Variants in NHS observed in about 807,000 individuals in gnomAD.
NHS encodes NHS actin remodeling regulator, also known as actin remodeling regulator NHS.
A neutral mutation model predicts 72.5 loss-of-function variants in NHS; 5 were observed. That is an observed-to-expected ratio of 0.07 (90% confidence interval 0.04 to 0.14). NHS has a LOEUF of 0.14. Among genes scored for constraint, NHS ranks in the 10% least tolerant of loss-of-function variants. The pLI, the probability that NHS is intolerant of heterozygous loss-of-function variation, is 1.00. For missense variants in NHS, 1,072 were observed against 1,355.7 expected (o/e 0.79, Z 3.29); for synonymous variants, 464 against 547.7 (o/e 0.85, Z 2.13).
chrX:17,597,223 C>T (rs1376836468), intron 1 of NHS, among the ~76,000 whole-genome samples: 2 of 106,875 alleles, frequency 1.9e-5, no homozygotes, highest in Non-Finnish European at 3.9e-5. Flanking sequence ...GGGTTCACGC[C>T]ATTCTCCTGC....
At chrX:17,463,755 T>C (rs937956669) in intron 1 of NHS, among the ~76,000 whole-genome samples, 11 of 112,191 alleles carry the variant, frequency 9.8e-5, no homozygotes, top group African/African-American at 3.6e-4. Context: ...GCCTTCAGGA[T>C]GAAGACCTAA....
chrX:17,619,938 CAT>C (rs890393975), intron 1 of NHS, among the ~76,000 whole-genome samples: 4 of 110,762 alleles, frequency 3.6e-5, no homozygotes, highest in African/African-American at 1.3e-4. Flanking sequence ...CTTTGTAGAC[CAT>C]ATGTCTCAGA....
chrX:17,602,060 C>G (rs998311836), intron 1 of NHS, among the ~76,000 whole-genome samples: 118 of 111,557 alleles, frequency 1.1e-3, no homozygotes, highest in Non-Finnish European at 3.8e-4. Flanking sequence ...AGGATTGCAA[C>G]CAAAGTCCTC....
At chrX:17,378,085 T>TGTGTGTGTGTGTGTGTGTGA (rs1491390890) in intron 1 of NHS, among the ~76,000 whole-genome samples, 4 of 104,423 alleles carry the variant, frequency 3.8e-5, no homozygotes, top group African/African-American at 1.4e-4. Flanking sequence ...TGTGTGTGTG[T>TGTGTGTGTGTGTGTGTGTGA]GAGACACACC....
intron 1 of NHS, among the ~76,000 whole-genome samples, chrX:17,511,492 G>C: frequency 9.0e-6 from 1 of 111,386 alleles, no homozygotes; most frequent in South Asian, 3.8e-4. Flanking sequence ...CAGTGGGATG[G>C]GGAGAGGTTT....
chrX:17,595,354 G>A lies in NHS; in HGVS notation c.566-92388G>A, dbSNP rs150358314. Among the ~76,000 whole-genome samples the A allele has an allele frequency of 3.2e-4, 36 of 111,859 alleles. 1 individual carries two copies. The East Asian group carries it at 0.01, about 31-fold the overall frequency. On this transcript the variant is annotated intron_variant, in intron 1 of 8. Coordinates refer to ENST00000676302, the MANE Select transcript of NHS (RefSeq NM_001291867.2). ...CTCTGTCTCAGCTGAGATTTAATGTGGCAACATCTGCCCTAGGGTTTTGAC... is the reference window on the plus strand; with the variant it reads ...CTCTGTCTCAGCTGAGATTTAATGTAGCAACATCTGCCCTAGGGTTTTGAC...
intron 1 of NHS, among the ~76,000 whole-genome samples, chrX:17,530,073 A>G (rs2065191467): frequency 9.0e-6 from 1 of 110,808 alleles, no homozygotes. Context: ...AAGAACAAAG[A>G]TGCTTTCCCT....
intron 1 of NHS, among the ~76,000 whole-genome samples, chrX:17,616,315 C>G (rs2065746742): frequency 8.9e-6 from 1 of 112,379 alleles, no homozygotes; most frequent in Non-Finnish European, 1.9e-5. Context: ...TTGGGTGGGT[C>G]TGTATGTATG....
At chrX:17,378,679 T>C (rs776238343) in intron 1 of NHS, among the ~76,000 whole-genome samples, 1 of 112,262 alleles carries the variant, frequency 8.9e-6, no homozygotes, top group Non-Finnish European at 1.9e-5. Flanking sequence ...CCATGTAAGC[T>C]GGTTAGCCCT....
chrX:17,710,618 AG>A (rs1218184187), intron 3 of NHS, among the ~76,000 whole-genome samples: 2 of 111,478 alleles, frequency 1.8e-5, no homozygotes, highest in African/African-American at 6.5e-5. Context: ...AGTGGCTGAC[AG>A]GGGTAGGGGT....
intron 1 of NHS, among the ~76,000 whole-genome samples, chrX:17,623,542 T>A (rs1441137685): frequency 9.0e-6 from 1 of 111,044 alleles, no homozygotes; most frequent in African/African-American, 3.3e-5. Flanking sequence ...TTGTTCCTGA[T>A]GAAGGTTGGA....
chrX:17,601,999 C>G (rs1359825621), intron 1 of NHS, among the ~76,000 whole-genome samples: 1 of 111,973 alleles, frequency 8.9e-6, no homozygotes, highest in Non-Finnish European at 1.9e-5. Flanking sequence ...CTCTTACAAA[C>G]TTGGCTTTAA....
chrX:17,595,954 C>T (rs1056274479), intron 1 of NHS, among the ~76,000 whole-genome samples: 2 of 110,953 alleles, frequency 1.8e-5, no homozygotes, highest in African/African-American at 6.6e-5. Context: ...GTTCCAATTT[C>T]CCACCAAATA....
In NHS at chrX:17,527,776, T is replaced by C. The variant is rs73636650; in HGVS notation, c.565+151454T>C. On this transcript the variant is annotated intron_variant, in intron 1 of 8. Coordinates refer to ENST00000676302, the MANE Select transcript of NHS (RefSeq NM_001291867.2). ...TCCTGCGTTGAATTCTTAAAGTAAG[T>C]TTGATAAGATATCTGGTAAACTACA... 8.2e-3 allele frequency among the ~76,000 whole-genome samples: 914 copies of C among 111,385 alleles called. 10 individuals are homozygous for C. The highest frequency in any genetic ancestry group is 0.029 in the African/African-American group (879 of 30,562).
At chrX:17,556,419 C>T (rs1403001031) in intron 1 of NHS, among the ~76,000 whole-genome samples, 1 of 112,193 alleles carries the variant, frequency 8.9e-6, no homozygotes, top group Non-Finnish European at 1.9e-5. Context: ...TCTATAGAGC[C>T]TTAGTGTGGA....
intron 1 of NHS, among the ~76,000 whole-genome samples, chrX:17,474,385 G>GT (rs760434904): frequency 8.9e-6 from 1 of 112,047 alleles, no homozygotes; most frequent in East Asian, 2.8e-4. Context: ...AATTTAGTTT[G>GT]TAAGTGATTT....
intron 1 of NHS, among the ~76,000 whole-genome samples, chrX:17,481,778 C>T (rs1352206406): frequency 8.9e-6 from 1 of 111,902 alleles, no homozygotes; most frequent in Non-Finnish European, 1.9e-5. Flanking sequence ...TCTTCTGTGT[C>T]CCCATTCAGT....
intron 1 of NHS, among the ~76,000 whole-genome samples, chrX:17,448,434 C>T (rs1194132271): frequency 8.9e-6 from 1 of 111,743 alleles, no homozygotes; most frequent in Non-Finnish European, 1.9e-5. Context: ...AATGAGAATT[C>T]GAGTAATCCA....
In NHS at chrX:17,500,551, C is replaced by T. The variant is rs186522198; in HGVS notation, c.565+124229C>T. On this transcript the variant is annotated intron_variant, in intron 1 of 8. Coordinates refer to ENST00000676302, the MANE Select transcript of NHS (RefSeq NM_001291867.2). ...TAATGTCTGGCCACGTTTCCTCCTG[C>T]GGTGTCTGATTGGAACTTCCACTCT... is the stretch of plus-strand genomic sequence containing the variant. 5.4e-5 allele frequency among the ~76,000 whole-genome samples: 6 copies of T among 111,800 alleles called. No homozygotes were observed. In the East Asian group the frequency reaches 1.7e-3, roughly 31 times the overall value.
Sources: allele counts gnomAD v4.1 joint callset (sites outside exome capture counted in the v4.1 genomes callset), GRCh38; gene constraint gnomAD v4.1.1; transcripts MANE v1.5; gene names NCBI Gene and HGNC (gene_info 2026-07-23, HGNC 2026-07-21).